Variants in MAP2 observed in about 807,000 individuals in gnomAD.
MAP2 encodes the protein microtubule associated protein 2, also known as microtubule-associated protein 2.
In MAP2, 14 loss-of-function variants were observed where a neutral mutation model predicts 137.6. That is an observed-to-expected ratio of 0.10 (90% CI 0.07 to 0.16). The LOEUF (loss-of-function observed/expected upper bound fraction) is 0.16, where lower values mean the gene tolerates loss of function less well. Ranked by LOEUF, MAP2 falls within the 10% of genes least tolerant of loss-of-function variation. The pLI is 1.00. For missense variants in MAP2, 2,088 were observed against 2,191.5 expected (o/e 0.95, Z 0.94); for synonymous variants, 786 against 782.3 (o/e 1.00, Z -0.08).
chr2:209,693,271 A>C lies in MAP2; in HGVS notation c.1101A>C (p.Lys367Asn). 6.2e-7 allele frequency: 1 copy of C among 1,614,090 alleles called. No individual in the cohort carries two copies. The highest frequency in any genetic ancestry group is 8.5e-7 in the Non-Finnish European group (1 of 1,180,000). ...SGPATAKDSF[K>N]IEEPHEAKPD... Reference sequence around the variant, plus strand: ...CAGCTACTGCCAAAGATAGTTTTAAAATTGAAGAGCCCCATGAGGCTAAAC... The same window carrying C: ...CAGCTACTGCCAAAGATAGTTTTAACATTGAAGAGCCCCATGAGGCTAAAC... Residue 367 changes from lysine to asparagine, a missense_variant, in exon 8 of 16, where the codon AAA (lysine) becomes AAC (asparagine). Transcript: ENST00000682079.
At chr2:209,429,242 C>T (rs1278151135) in intron 1 of MAP2, among the ~76,000 whole-genome samples, 3 of 152,208 alleles carry the variant, frequency 2.0e-5, no homozygotes, top group Non-Finnish European at 2.9e-5. Flanking sequence ...CATGAGCCAC[C>T]GTGCCCGGCA....
intron 1 of MAP2, among the ~76,000 whole-genome samples, chr2:209,467,993 C>G (rs917561975): frequency 3.3e-5 from 5 of 152,186 alleles, no homozygotes; most frequent in African/African-American, 1.2e-4. Context: ...CTGGTTTATA[C>G]TTACCTTATG....
chr2:209,581,135 G>A (rs943830867), intron 3 of MAP2, among the ~76,000 whole-genome samples: 1 of 152,138 alleles, frequency 6.6e-6, no homozygotes, highest in African/African-American at 2.4e-5. Flanking sequence ...AATATTTGTA[G>A]CAGGTGAAGG....
chr2:209,524,214 G>C (rs1264543407), intron 2 of MAP2, among the ~76,000 whole-genome samples: 2 of 152,016 alleles, frequency 1.3e-5, no homozygotes, highest in South Asian at 2.1e-4. Context: ...TGAAAGTCCT[G>C]TTTATCTTAT....
intron 1 of MAP2, among the ~76,000 whole-genome samples, chr2:209,432,145 C>T (rs1457511513): frequency 6.6e-6 from 1 of 152,128 alleles, no homozygotes; most frequent in Non-Finnish European, 1.5e-5. Context: ...ACTTTTTTCT[C>T]ATCTGTAATG....
chr2:209,533,670 G>T (rs907501322), intron 2 of MAP2, among the ~76,000 whole-genome samples: 1 of 152,158 alleles, frequency 6.6e-6, no homozygotes, highest in African/African-American at 2.4e-5. Context: ...CAAAAGCCAT[G>T]TTTATGCTCA....
chr2:209,696,441 C>G (rs2060209738), intron 8 of MAP2, 91 bp downstream of exon 8: 1 of 1,468,998 alleles, frequency 6.8e-7, no homozygotes, highest in African/African-American at 1.4e-5. Flanking sequence ...ACCTCTTTAT[C>G]TCTTTATTTT....
intron 3 of MAP2, among the ~76,000 whole-genome samples, chr2:209,602,475 G>A (rs941382100): frequency 1.5e-4 from 23 of 152,160 alleles, no homozygotes; most frequent in Non-Finnish European, 1.0e-4. Context: ...GCTGTCAGAA[G>A]GATTGAGCCT....
intron 5 of MAP2, among the ~76,000 whole-genome samples, chr2:209,659,443 A>G (rs562643716): frequency 1.3e-5 from 2 of 152,302 alleles, no homozygotes; most frequent in East Asian, 1.9e-4. Flanking sequence ...CTCTTGCCCT[A>G]CAGACCAGTG....
At chr2:209,593,619 C>CAAAA (rs781329429) in intron 3 of MAP2, among the ~76,000 whole-genome samples, 30 of 2,928 alleles carry the variant, frequency 0.01, 5 homozygotes, top group Admixed American at 0.026. Flanking sequence ...CCTGTCTCTA[C>CAAAA]AAAAAAAAAA....
In MAP2 at chr2:209,691,578, A is replaced by G. The variant is rs537808254; in HGVS notation, c.455-1047A>G. ...TATTATTTTTCCCCAAATCTTTTCC[A>G]GATAACTACATTTAGCTCTAATGAC... On this transcript the variant is annotated intron_variant, in intron 7 of 15. Coordinates refer to ENST00000682079, the MANE Select transcript of MAP2 (RefSeq NM_001375505.1). Among the ~76,000 whole-genome samples the G allele has an allele frequency of 2.0e-5, 3 of 152,330 alleles. No homozygotes were observed. The South Asian group carries it at 6.2e-4, about 32-fold the overall frequency.
chr2:209,600,498 G>A (rs931341207), intron 3 of MAP2, among the ~76,000 whole-genome samples: 1 of 152,104 alleles, frequency 6.6e-6, no homozygotes, highest in African/African-American at 2.4e-5. Context: ...CCTGTTTCCG[G>A]GGCTGTCTAC....
In MAP2 at chr2:209,709,969, T is replaced by G; in HGVS notation, c.4788T>G (p.Pro1596=). 6.2e-7 allele frequency: 1 copy of G among 1,614,002 alleles called. No homozygotes were observed. The highest frequency in any genetic ancestry group is 8.5e-7 in the Non-Finnish European group (1 of 1,179,972). ...GTGGTACCTCAACACCCACTACCCC[T>G]GGGTCTACTGCCATCACTCCTGGCA... ...GKSGTSTPTT[P]GSTAITPGTP... Residue 1596 remains proline, a synonymous_variant, in exon 13 of 16, where the codon CCT becomes CCG. Transcript: ENST00000682079.
chr2:209,427,197 A>C (rs1345507917), intron 1 of MAP2, among the ~76,000 whole-genome samples: 2 of 152,178 alleles, frequency 1.3e-5, no homozygotes, highest in Non-Finnish European at 2.9e-5. Flanking sequence ...CTCTTAACAG[A>C]TTAAGATAAA....
chr2:209,543,160 C>T (rs895213464), intron 2 of MAP2, among the ~76,000 whole-genome samples: 3 of 152,070 alleles, frequency 2.0e-5, no homozygotes, highest in Admixed American at 6.6e-5. Flanking sequence ...TATTATATCT[C>T]AGGGAATAGG....
chr2:209,718,240 C>G (rs1259311568), intron 13 of MAP2, among the ~76,000 whole-genome samples: 3 of 152,014 alleles, frequency 2.0e-5, no homozygotes, highest in African/African-American at 7.3e-5. Flanking sequence ...GCTTGTTGAG[C>G]CTTTTTATCT....
intron 1 of MAP2, among the ~76,000 whole-genome samples, chr2:209,495,292 C>G (rs1406066691): frequency 6.6e-6 from 1 of 152,258 alleles, no homozygotes; most frequent in African/African-American, 2.4e-5. Context: ...CCTGCCAGCT[C>G]TGAAGAGAGC....
rs773830907 is a variant in MAP2 at position 209,694,440 on chromosome 2, C to T, written c.2270C>T (p.Pro757Leu). ...PATTPALEKA[P>L]CFPVESKEEE... The stretch of plus-strand genomic sequence containing the variant: ...ACCACACCTGCACTGGAGAAAGCCC[C>T]TTGCTTCCCTGTAGAAAGCAAAGAG... Residue 757 changes from proline (P) to leucine (L), a missense_variant, in exon 8 of 16, where the codon CCT becomes CTT. By Grantham distance (98) the Pro-to-Leu change is moderately conservative. This residue lies in a region of MAP2 where 500 missense variants were observed against 482.9 expected (regional missense o/e 1.04). Transcript: ENST00000682079. The T allele has an allele frequency of 9.9e-6, 16 of 1,613,912 alleles. No individual in the cohort carries two copies. The highest frequency in any genetic ancestry group is 1.3e-5 in the African/African-American group (1 of 74,908).
chr2:209,486,043 C>G (rs115543574), intron 1 of MAP2, among the ~76,000 whole-genome samples: 3,590 of 152,236 alleles, frequency 0.024, 47 homozygotes, highest in Non-Finnish European at 0.033. Context: ...TCATCATTCT[C>G]TTAAGTATTT....
Sources: gnomAD v4.1 joint callset for allele counts (sites outside exome capture counted in the v4.1 genomes callset) on GRCh38, gnomAD v4.1.1 for gene constraint, gnomAD v4.1.1 regional missense constraint, MANE v1.5 for transcripts, NCBI Gene and HGNC (gene_info 2026-07-23, HGNC 2026-07-21) for gene names.